The following KIF5C variants were observed in gnomAD, a reference collection of about 807,000 sequenced individuals.
KIF5C encodes kinesin family member 5C, also known as kinesin heavy chain isoform 5C.
KIF5C carries 18 observed loss-of-function variants against 125.2 expected under a neutral mutation model. The observed-to-expected ratio is 0.14, with a 90% confidence interval of 0.10 to 0.21. KIF5C has a LOEUF of 0.21. Among genes scored for constraint, KIF5C ranks in the 10% least tolerant of loss-of-function variants. The pLI is 1.00. For synonymous variants in KIF5C, 405 were observed against 434.0 expected (o/e 0.93, Z 0.83); for missense variants, 780 against 1,183.8 (o/e 0.66, Z 5.01).
intron 12 of KIF5C, among the ~76,000 whole-genome samples, chr2:148,976,558 A>G (rs1279002877): frequency 2.0e-5 from 3 of 148,586 alleles, no homozygotes; most frequent in African/African-American, 7.5e-5. Flanking sequence ...CTGAGCCACC[A>G]CGCCTGGCCG....
Position 149,011,604 on chromosome 2 carries a change from A to T in KIF5C, c.2802A>T (p.Ser934=), listed in dbSNP as rs750150578. 6.2e-7 allele frequency: 1 copy of T among 1,614,042 alleles called. No individual in the cohort carries two copies. Among genetic ancestry groups the T allele is most frequent in the Non-Finnish European group, 8.5e-7 (1 of 1,179,896 alleles). Residue 934 remains serine (S), a synonymous_variant, in exon 25 of 26, where the codon TCA becomes TCT. Transcript: ENST00000435030. ...TCCGCCCCGGACACTACCCGGCCTC[A>T]TCTCCAACGGCCGTCCATGCCATTC... ...KPIRPGHYPA[S]SPTAVHAIRG...
chr2:148,970,234 G>A (rs530128785), intron 11 of KIF5C, among the ~76,000 whole-genome samples: 80 of 152,140 alleles, frequency 5.3e-4, no homozygotes, highest in African/African-American at 1.8e-3. Flanking sequence ...TTTATTTTTG[G>A]AACTGAGCTC....
chr2:148,928,411 T>C (rs1302384476), intron 2 of KIF5C, among the ~76,000 whole-genome samples: 2 of 152,186 alleles, frequency 1.3e-5, no homozygotes, highest in Non-Finnish European at 2.9e-5. Flanking sequence ...CTTCCAGTGA[T>C]ATTTGTGAGG....
intron 23 of KIF5C, among the ~76,000 whole-genome samples, 181 bp downstream of exon 23, chr2:149,008,248 G>A (rs1419181881): frequency 3.3e-5 from 5 of 152,310 alleles, no homozygotes; most frequent in Middle Eastern, 3.4e-3. Flanking sequence ...GTGACTTCCC[G>A]TATATATAAA....
chr2:148,877,904 T>C (rs1026033315), intron 1 of KIF5C: 2 of 152,220 alleles, frequency 1.3e-5, no homozygotes, highest in Non-Finnish European at 2.9e-5. Context: ...TATATTTCCT[T>C]ATCTAAATAA....
chr2:149,013,242 G>A (rs1682263921), intron 25 of KIF5C, among the ~76,000 whole-genome samples: 5 of 152,218 alleles, frequency 3.3e-5, no homozygotes, highest in Admixed American at 3.3e-4. Flanking sequence ...ACTAGGTTAA[G>A]CACGTGCCTG....
At chr2:148,981,639 A>G (rs1264771259) in intron 14 of KIF5C, 78 bp downstream of exon 14, 2 of 1,485,448 alleles carry the variant, frequency 1.3e-6, no homozygotes, top group South Asian at 2.8e-5. Flanking sequence ...ATTGACAGAC[A>G]TGGTATAAGG....
At chr2:148,892,605 C>G (rs1055932468) in intron 1 of KIF5C, among the ~76,000 whole-genome samples, 7 of 152,192 alleles carry the variant, frequency 4.6e-5, no homozygotes, top group African/African-American at 1.7e-4. Context: ...CTGTTTAGGA[C>G]CTTCCATAGA....
At chr2:149,021,211 A>T (rs111741821) in intron 25 of KIF5C, among the ~76,000 whole-genome samples, 8,164 of 151,956 alleles carry the variant, frequency 0.054, 735 homozygotes, top group African/African-American at 0.18. Flanking sequence ...TACACATACA[A>T]GCCACCATGC....
chr2:148,960,784 G>C (rs963660590), intron 10 of KIF5C, among the ~76,000 whole-genome samples: 1 of 152,238 alleles, frequency 6.6e-6, no homozygotes, highest in African/African-American at 2.4e-5. Flanking sequence ...TCACAAATCA[G>C]ATTGTGCTGG....
chr2:148,903,195 T>A (rs1172555776), intron 1 of KIF5C, among the ~76,000 whole-genome samples: 2 of 152,212 alleles, frequency 1.3e-5, no homozygotes, highest in Non-Finnish European at 2.9e-5. Flanking sequence ...TGCTATTTAC[T>A]AAGTGTATGC....
rs1317852675 is a variant in KIF5C at position 148,973,531 on chromosome 2, T to C, written c.1293+20T>C. ...GACAAGGTCTGTGGCCAGAGATTCATAGTTCTCATTCTGCTACAAAGATGA... is the reference window on the plus strand; with the variant it reads ...GACAAGGTCTGTGGCCAGAGATTCACAGTTCTCATTCTGCTACAAAGATGA... On this transcript the variant is annotated intron_variant, in intron 12 of 25. Coordinates refer to ENST00000435030, the MANE Select transcript of KIF5C (RefSeq NM_004522.3). 1 of 1,590,364 alleles carries C rather than the reference T, an allele frequency of 6.3e-7. No individual in the cohort carries two copies. The highest frequency in any genetic ancestry group is 8.6e-7 in the Non-Finnish European group (1 of 1,169,262).
intron 17 of KIF5C, among the ~76,000 whole-genome samples, chr2:148,997,062 G>A (rs1006328634): frequency 6.6e-5 from 10 of 152,216 alleles, no homozygotes; most frequent in African/African-American, 2.2e-4. Context: ...GCGCTCCCCC[G>A]TGGAAGGAAT....
At position 148,941,984 on chromosome 2, in the gene KIF5C, T is replaced by C; in HGVS notation, c.495T>C (p.Tyr165=). 1.2e-6 allele frequency: 2 copies of C among 1,611,964 alleles called. No homozygotes were observed. The highest frequency in any genetic ancestry group is 2.2e-5 in the South Asian group (2 of 90,032). Residue 165 remains tyrosine, a synonymous_variant, in exon 6 of 26, where the codon TAT becomes TAC. Coordinates refer to ENST00000435030, the MANE Select transcript of KIF5C (RefSeq NM_004522.3). ...AVHEDKNRVP[Y]VKGCTERFVS... ...ATGAAGATAAAAACAGAGTCCCGTA[T>C]GTAAAGGTATGAGGAAGATTTGATT... is the stretch of plus-strand genomic sequence containing the variant.
At chr2:149,010,850 C>T (rs1682172731) in intron 24 of KIF5C, among the ~76,000 whole-genome samples, 1 of 152,218 alleles carries the variant, frequency 6.6e-6, no homozygotes, top group African/African-American at 2.4e-5. Context: ...GGCACAGAAC[C>T]TGGGGAGGTC....
At chr2:148,978,621 C>G (rs187395690) in intron 12 of KIF5C, among the ~76,000 whole-genome samples, 150 of 152,242 alleles carry the variant, frequency 9.9e-4, no homozygotes, top group Non-Finnish European at 1.4e-3. Flanking sequence ...GGAGGGATAT[C>G]TCTAACGTCC....
At chr2:148,907,997 A>G (rs1364357333) in intron 1 of KIF5C, among the ~76,000 whole-genome samples, 1 of 152,212 alleles carries the variant, frequency 6.6e-6, no homozygotes, top group Non-Finnish European at 1.5e-5. Context: ...CCTGTCTCAA[A>G]TCTGTCCAGC....
At chr2:148,923,964 A>G (rs138524704) in intron 2 of KIF5C, among the ~76,000 whole-genome samples, 114 of 152,368 alleles carry the variant, frequency 7.5e-4, no homozygotes, top group African/African-American at 2.7e-3. Flanking sequence ...GTAGTGAGCT[A>G]TAAAGAAAAC....
intron 1 of KIF5C, among the ~76,000 whole-genome samples, chr2:148,901,102 C>A (rs999592434): frequency 5.3e-5 from 8 of 152,072 alleles, no homozygotes; most frequent in Admixed American, 3.9e-4. Flanking sequence ...GTGGTTGTTG[C>A]GAGATGTTGC....
Sources: gnomAD v4.1 joint callset for allele counts (sites outside exome capture counted in the v4.1 genomes callset) on GRCh38, gnomAD v4.1.1 for gene constraint, MANE v1.5 for transcripts, NCBI Gene and HGNC (gene_info 2026-07-23, HGNC 2026-07-21) for gene names.